The following LRRC51 variants were observed in gnomAD, a reference collection of about 807,000 sequenced individuals.
LRRC51 encodes leucine rich repeat containing 51, also known as leucine-rich repeat-containing protein 51.
LRRC51 carries 8 observed loss-of-function variants against 17.8 expected under a neutral mutation model. The ratio of observed to expected loss-of-function variants is 0.45; its 90% CI spans 0.26 to 0.81. The LOEUF is 0.81. Among genes scored for constraint, LRRC51 ranks in the 30% least tolerant of loss-of-function variants. The probability of loss-of-function intolerance (pLI) is 0.17; values close to 1 mark genes in which losing one functional copy is unlikely to be tolerated. For synonymous variants in LRRC51, 92 were observed against 96.0 expected, an observed-to-expected ratio of 0.96 and a Z score of 0.24; for missense variants, 233 against 239.3, an observed-to-expected ratio of 0.97 and a Z score of 0.17.
chr11:72,093,809 G>C, intron 4 of LRRC51, 108 bp downstream of exon 4: 1 of 1,089,852 alleles, frequency 9.2e-7, no homozygotes, highest in South Asian at 1.3e-5. Flanking sequence ...AGGCAGCATG[G>C]TACAGTCCAA....
intron 3 of LRRC51, chr11:72,089,659 G>A: frequency 9.5e-7 from 1 of 1,054,830 alleles, no homozygotes; most frequent in Non-Finnish European, 1.2e-6. Context: ...CAAACATGAG[G>A]GGTCTTATCT....
rs771250249 is a variant in LRRC51, at chr11:72,094,948, G to A, written c.289G>A (p.Val97Ile). ...SFNDLTSIDP[V>I]LTTFFNLSVL... ...GGCTTTTGGTTTCCCTCCCCAACAG[G>A]TCCTAACAACTTTCTTCAACCTGAG... Residue 97 changes from valine to isoleucine, a missense_variant and splice_region_variant, in exon 5 of 6, where the codon GTC becomes ATC. Transcript: ENST00000289488. 8.7e-6 allele frequency: 14 copies of A among 1,614,010 alleles called. No homozygotes were observed. Among genetic ancestry groups the A allele is most frequent in the Non-Finnish European group, 1.2e-5 (14 of 1,180,004 alleles).
At position 72,096,226 on chromosome 11, in the gene LRRC51, T is replaced by A; in HGVS notation, c.*706T>A. On this transcript the variant is annotated 3_prime_UTR_variant, in exon 6 of 6. Transcript: ENST00000289488. ...ACCATGTTAGCCAGGATGGTCTCCA[T>A]CTCCTGACCTTGTGATCCACCCACC... The A allele has an allele frequency of 6.4e-6, 1 of 157,352 alleles. No homozygotes were observed. The highest frequency in any genetic ancestry group is 1.8e-4 in the South Asian group (1 of 5,430). The allele number at this position is 157,352 out of a possible 1,614,324, so 9.7% of individuals were successfully genotyped here.
At chr11:72,086,610 C>A (rs1198110235) in intron 1 of LRRC51, among the ~76,000 whole-genome samples, 3 of 152,208 alleles carry the variant, frequency 2.0e-5, no homozygotes, top group Admixed American at 2.0e-4. Context: ...AGCTCACAGC[C>A]TGGGCTACAG....
intron 4 of LRRC51, 23 bp from the exon 5 acceptor site, chr11:72,094,925 C>A: frequency 6.2e-7 from 1 of 1,614,158 alleles, no homozygotes; most frequent in Non-Finnish European, 8.5e-7. Context: ...TCTAGCCTGG[C>A]TTTTGGTTTC....
At chr11:72,082,871 T>C (rs1244190540) in intron 1 of LRRC51, among the ~76,000 whole-genome samples, 1 of 152,064 alleles carries the variant, frequency 6.6e-6, no homozygotes, top group Non-Finnish European at 1.5e-5. Context: ...CCAATTTTTT[T>C]TTTTTCTTTT....
chr11:72,093,491 C>T lies in LRRC51; in HGVS notation c.83-5C>T, dbSNP rs1161873973. The T allele has an allele frequency of 6.2e-7, 1 of 1,610,342 alleles. No homozygotes were observed. ...TGATACCCAAGTCTCACTTTGTCCC[C>T]ACAGATCTGGTAAATGAGGAGCCAA... On this transcript the variant is annotated splice_polypyrimidine_tract_variant and splice_region_variant and intron_variant, in intron 3 of 5. Coordinates refer to ENST00000289488, the MANE Select transcript of LRRC51 (RefSeq NM_145309.6).
At position 72,094,800 on chromosome 11, in the gene LRRC51, G is replaced by T. The variant is rs1361933158; in HGVS notation, c.289-148G>T. Reference sequence around the variant, plus strand: ...TGTCTTAAAACATAAATAAAAGTAGGTTACAGTCATACAGTATGGCTGTGG... The same window carrying T: ...TGTCTTAAAACATAAATAAAAGTAGTTTACAGTCATACAGTATGGCTGTGG... On this transcript the variant is annotated intron_variant, in intron 4 of 5. Transcript: ENST00000289488. 2.8e-6 allele frequency: 4 copies of T among 1,416,538 alleles called. No homozygotes were observed. The Admixed American group carries it at 6.8e-5, about 24-fold the overall frequency. The allele number at this position is 1,416,538 out of a possible 1,614,324, so 87.7% of individuals were successfully genotyped here. A position where few individuals can be genotyped will look rare whatever the true frequency, so the allele number is the denominator to read the frequency against.
intron 3 of LRRC51, among the ~76,000 whole-genome samples, chr11:72,092,267 A>G (rs1944904324): frequency 2.0e-5 from 3 of 152,168 alleles, no homozygotes; most frequent in South Asian, 4.1e-4. Flanking sequence ...CTTTTTGTAC[A>G]GGAACCTCAA....
intron 3 of LRRC51, chr11:72,089,485 G>C: frequency 7.8e-7 from 1 of 1,286,706 alleles, no homozygotes; most frequent in Non-Finnish European, 1.0e-6. Context: ...GGCTACAGCA[G>C]GAAAGTCAAG....
At chr11:72,095,137 C>G (rs1945108290) in intron 5 of LRRC51, 41 bp downstream of exon 5, 3 of 1,606,220 alleles carry the variant, frequency 1.9e-6, no homozygotes, top group Non-Finnish European at 2.6e-6. Context: ...AGCTGGGCTC[C>G]CCTAAAGGAA....
At chr11:72,089,376 G>T in intron 3 of LRRC51, 1 of 1,474,648 alleles carries the variant, frequency 6.8e-7, no homozygotes, top group South Asian at 1.2e-5. Context: ...AGCCCCAGGA[G>T]ATCCTAAGAA....
At chr11:72,092,924 C>T (rs1256709651) in intron 3 of LRRC51, among the ~76,000 whole-genome samples, 1 of 152,236 alleles carries the variant, frequency 6.6e-6, no homozygotes, top group African/African-American at 2.4e-5. Flanking sequence ...ATGTTGCCAG[C>T]TTGCTCCCAT....
chr11:72,084,351 C>G (rs1187139595), intron 1 of LRRC51, among the ~76,000 whole-genome samples: 6 of 152,276 alleles, frequency 3.9e-5, no homozygotes, highest in Middle Eastern at 3.4e-3. Context: ...AATCAAATTC[C>G]AAATGTTAGT....
intron 5 of LRRC51, 50 bp downstream of exon 5, chr11:72,095,146 A>G: frequency 6.2e-7 from 1 of 1,602,528 alleles, no homozygotes; most frequent in South Asian, 1.1e-5. Context: ...CCCCTAAAGG[A>G]AAGGAGGAGG....
At chr11:72,092,703 C>T (rs1252444544) in intron 3 of LRRC51, among the ~76,000 whole-genome samples, 1 of 152,232 alleles carries the variant, frequency 6.6e-6, no homozygotes, top group Non-Finnish European at 1.5e-5. Context: ...GCACACAAAC[C>T]CGCCCCAGAC....
At chr11:72,086,754 G>GTTAC (rs67555003) in intron 1 of LRRC51, among the ~76,000 whole-genome samples, 1 of 950 alleles carries the variant, frequency 1.1e-3, no homozygotes, top group Non-Finnish European at 0.017. Context: ...GGGTTGCTCT[G>GTTAC]TCAAGAAAAC....
intron 3 of LRRC51, 163 bp downstream of exon 3, chr11:72,089,328 T>C: frequency 6.6e-7 from 1 of 1,506,692 alleles, no homozygotes; most frequent in African/African-American, 1.4e-5. Flanking sequence ...GAGAGGTTTT[T>C]TTCTGTCTTT....
chr11:72,088,483 T>C (rs1944669211), intron 2 of LRRC51, 103 bp downstream of exon 2: 2 of 688,702 alleles, frequency 2.9e-6, no homozygotes, highest in African/African-American at 1.8e-5. Flanking sequence ...GGAAAGGTAA[T>C]GGGGCTGGCA....
Sources: gnomAD v4.1 joint callset for allele counts (sites outside exome capture counted in the v4.1 genomes callset) on GRCh38, gnomAD v4.1.1 for gene constraint, MANE v1.5 for transcripts, NCBI Gene and HGNC (gene_info 2026-07-23, HGNC 2026-07-21) for gene names.